Variants in CEP112 observed in about 807,000 individuals in gnomAD.
The protein encoded by CEP112 is centrosomal protein 112, also known as centrosomal protein of 112 kDa.
A neutral mutation model predicts 153.0 loss-of-function variants in CEP112; 127 were observed. The ratio of observed to expected loss-of-function variants is 0.83; its 90% CI spans 0.72 to 0.96. The LOEUF is 0.96. Among genes scored for constraint, CEP112 ranks in the 40% least tolerant of loss-of-function variants. CEP112 has a pLI of 0.00. For synonymous variants in CEP112, 358 were observed against 374.4 expected (o/e 0.96, Z 0.51); for missense variants, 1,089 against 1,101.2 (o/e 0.99, Z 0.16).
At chr17:65,711,204 T>C (rs2049166418) in intron 23 of CEP112, among the ~76,000 whole-genome samples, 1 of 152,184 alleles carries the variant, frequency 6.6e-6, no homozygotes, top group African/African-American at 2.4e-5. Context: ...TTTCTAGTAT[T>C]AGAGAGGTCA....
intron 5 of CEP112, among the ~76,000 whole-genome samples, chr17:66,131,086 T>C (rs1261712140): frequency 2.0e-5 from 3 of 152,232 alleles, no homozygotes; most frequent in Admixed American, 6.5e-5. Context: ...TGCTAACAAA[T>C]GTACCTATTT....
intron 21 of CEP112, among the ~76,000 whole-genome samples, chr17:65,770,387 G>C (rs115193761): frequency 6.6e-6 from 1 of 151,892 alleles, no homozygotes; most frequent in Non-Finnish European, 1.5e-5. Context: ...TGCATATCCA[G>C]TGAAACTATC....
chr17:65,976,428 G>A (rs773336359), intron 17 of CEP112, among the ~76,000 whole-genome samples: 41 of 148,376 alleles, frequency 2.8e-4, no homozygotes, highest in Non-Finnish European at 3.0e-4. Context: ...CTAGTTTATA[G>A]TTGTTTATAG....
chr17:65,899,066 A>G (rs952904635), intron 20 of CEP112, among the ~76,000 whole-genome samples: 1 of 152,224 alleles, frequency 6.6e-6, no homozygotes, highest in Non-Finnish European at 1.5e-5. Flanking sequence ...TACATGTAGA[A>G]CTTCCATGTC....
chr17:66,189,662 CA>C lies in CEP112; in HGVS notation c.-9+2334del, dbSNP rs1005156702. The stretch of plus-strand genomic sequence containing the variant: ...TTCTTCTTATCCCTTAATTTTTCTC[CA>C]AAAAAATAAAGAAATGGAAAAAGAA... On this transcript the variant is annotated intron_variant, in intron 1 of 26. Transcript: ENST00000535342. Among the ~76,000 whole-genome samples the C allele has an allele frequency of 9.2e-5, 14 of 151,400 alleles. 1 individual carries two copies. The highest frequency in any genetic ancestry group is 3.2e-3 in the Middle Eastern group (1 of 316).
chr17:65,641,824 A>G (rs2143347393), intron 24 of CEP112, among the ~76,000 whole-genome samples: 1 of 152,320 alleles, frequency 6.6e-6, no homozygotes, highest in South Asian at 2.1e-4. Flanking sequence ...AATCATGAAG[A>G]CATGAATGAA....
At chr17:65,905,689 GGAGGCT>G (rs1322275924) in intron 19 of CEP112, among the ~76,000 whole-genome samples, 3 of 152,276 alleles carry the variant, frequency 2.0e-5, no homozygotes, top group South Asian at 2.1e-4. Context: ...CAGCACTTTG[GGAGGCT>G]GAGGCAGGTG....
At chr17:66,149,876 T>TTTG (rs2071099748) in intron 4 of CEP112, among the ~76,000 whole-genome samples, 1 of 71,640 alleles carries the variant, frequency 1.4e-5, no homozygotes, top group African/African-American at 5.4e-5. Flanking sequence ...GGGTTTTTTT[T>TTTG]TTTGTTTGTT....
At chr17:65,750,551 A>C (rs1422994887) in intron 22 of CEP112, 111 bp downstream of exon 22, 3 of 808,738 alleles carry the variant, frequency 3.7e-6, no homozygotes, top group African/African-American at 1.7e-5. Context: ...ACCATTCCAC[A>C]AAAAAAAACT....
intron 18 of CEP112, among the ~76,000 whole-genome samples, chr17:65,952,429 C>T (rs778162243): frequency 6.6e-6 from 1 of 151,996 alleles, no homozygotes; most frequent in Non-Finnish European, 1.5e-5. Context: ...TGAGATCCAT[C>T]CATGCTGTTG....
intron 20 of CEP112, among the ~76,000 whole-genome samples, chr17:65,871,883 T>C (rs965270185): frequency 6.6e-6 from 1 of 152,236 alleles, no homozygotes; most frequent in Admixed American, 6.5e-5. Context: ...TCTTAATCCC[T>C]GCACCTGTCA....
At chr17:65,962,065 T>C (rs1001606885) in intron 17 of CEP112, among the ~76,000 whole-genome samples, 43 of 152,196 alleles carry the variant, frequency 2.8e-4, no homozygotes, top group African/African-American at 9.2e-4. Flanking sequence ...GGTAAATCCA[T>C]GGAGACAGAA....
At chr17:65,722,713 G>A (rs914590144) in intron 23 of CEP112, among the ~76,000 whole-genome samples, 3 of 152,196 alleles carry the variant, frequency 2.0e-5, no homozygotes, top group Non-Finnish European at 4.4e-5. Context: ...GAAGAAGAAC[G>A]GATGAGAGAG....
chr17:66,112,513 C>A (rs1413143284), intron 6 of CEP112, among the ~76,000 whole-genome samples: 3 of 151,916 alleles, frequency 2.0e-5, no homozygotes, highest in Admixed American at 2.0e-4. Flanking sequence ...TAAAAATTTA[C>A]AATAAAAATG....
intron 4 of CEP112, among the ~76,000 whole-genome samples, chr17:66,147,637 A>G (rs1260611266): frequency 2.0e-5 from 3 of 152,024 alleles, no homozygotes; most frequent in Non-Finnish European, 4.4e-5. Context: ...ATGTTTCCCT[A>G]TTATAGCTCT....
chr17:66,161,573 C>T (rs1357681870), intron 4 of CEP112, among the ~76,000 whole-genome samples: 2 of 152,104 alleles, frequency 1.3e-5, no homozygotes, highest in African/African-American at 4.8e-5. Flanking sequence ...TCTTAGCAAA[C>T]TAACACAAGA....
At chr17:66,021,190 A>G (rs1459183117) in intron 16 of CEP112, among the ~76,000 whole-genome samples, 1 of 152,134 alleles carries the variant, frequency 6.6e-6, no homozygotes, top group Non-Finnish European at 1.5e-5. Context: ...GGGACCCAAC[A>G]GGACAATGCC....
chr17:65,908,114 G>A lies in CEP112; in HGVS notation c.1981-5780C>T, dbSNP rs539690314. On this transcript the variant is annotated intron_variant, in intron 19 of 26. Coordinates refer to ENST00000535342, the MANE Select transcript of CEP112 (RefSeq NM_001199165.4). Reference sequence around the variant, plus strand: ...CAAGGACCCTGCTTAATTAAGGCTGGCTAAGGAGTTCCCTGTAATAAAAGA... The same window carrying A: ...CAAGGACCCTGCTTAATTAAGGCTGACTAAGGAGTTCCCTGTAATAAAAGA... Among the ~76,000 whole-genome samples, 18 of 152,292 alleles carry A rather than the reference G, an allele frequency of 1.2e-4. No individual in the cohort carries two copies. In the East Asian group the frequency reaches 3.3e-3, roughly 28 times the overall value.
At chr17:65,811,592 G>A (rs1227991545) in intron 21 of CEP112, among the ~76,000 whole-genome samples, 1 of 152,120 alleles carries the variant, frequency 6.6e-6, no homozygotes, top group Non-Finnish European at 1.5e-5. Context: ...TCATTCATGG[G>A]CTAATCCATC....
Sources: gnomAD v4.1 joint callset for allele counts (sites outside exome capture counted in the v4.1 genomes callset) on GRCh38, gnomAD v4.1.1 for gene constraint, MANE v1.5 for transcripts, NCBI Gene and HGNC (gene_info 2026-07-23, HGNC 2026-07-21) for gene names.